The following GADL1 variants were observed in gnomAD, a reference collection of about 807,000 sequenced individuals.
GADL1 encodes the protein GAD like acidic amino acid decarboxylase 1, also known as acidic amino acid decarboxylase GADL1.
A neutral mutation model predicts 69.5 loss-of-function variants in GADL1; 71 were observed. The ratio of observed to expected loss-of-function variants is 1.02; its 90% confidence interval spans 0.84 to 1.25. GADL1 has a LOEUF of 1.25. Among genes scored for constraint, GADL1 ranks in the 50% most tolerant of loss-of-function variants. GADL1 has a pLI of 0.00. For missense variants in GADL1, 737 were observed against 631.8 expected (o/e 1.17, Z -1.79); for synonymous variants, 254 against 214.4 (o/e 1.18, Z -1.62).
intron 14 of GADL1, among the ~76,000 whole-genome samples, chr3:30,730,791 C>A (rs1421572608): frequency 6.6e-6 from 1 of 152,164 alleles, no homozygotes; most frequent in Non-Finnish European, 1.5e-5. Flanking sequence ...GACTAATCCT[C>A]CTCACCTTAG....
intron 1 of GADL1, among the ~76,000 whole-genome samples, chr3:30,886,915 T>C (rs1157871294): frequency 1.3e-5 from 2 of 152,192 alleles, no homozygotes; most frequent in African/African-American, 4.8e-5. Flanking sequence ...ATAATGATAA[T>C]CATAATAACA....
intron 11 of GADL1, among the ~76,000 whole-genome samples, chr3:30,820,627 G>C (rs1221399616): frequency 1.3e-5 from 2 of 152,098 alleles, no homozygotes; most frequent in Admixed American, 1.3e-4. Context: ...TCCTCTATTA[G>C]AAAAGCCATT....
intron 11 of GADL1, among the ~76,000 whole-genome samples, chr3:30,823,913 C>T (rs2125518966): frequency 6.6e-6 from 1 of 151,668 alleles, no homozygotes; most frequent in Admixed American, 6.6e-5. Flanking sequence ...CAAGATAGGT[C>T]AGAAGAAACT....
rs569233376 is a variant in GADL1, at chr3:30,775,241, G to A, written c.1392+2938C>T. ...CAAATAATCCCTCTCCCCTTCTGCC[G>A]CCAAATGGAAGATTTATCGCACCAG... On this transcript the variant is annotated intron_variant, in intron 14 of 14. Coordinates refer to ENST00000282538, the MANE Select transcript of GADL1 (RefSeq NM_207359.3). 9.2e-5 allele frequency among the ~76,000 whole-genome samples: 14 copies of A among 152,182 alleles called. No homozygotes were observed. In the South Asian group the frequency reaches 2.3e-3, roughly 25 times the overall value.
chr3:30,764,787 G>A (rs759626720), intron 14 of GADL1, among the ~76,000 whole-genome samples: 1 of 152,144 alleles, frequency 6.6e-6, no homozygotes, highest in Non-Finnish European at 1.5e-5. Flanking sequence ...GCTCACCCCA[G>A]GTTGTACTGA....
At chr3:30,838,630 A>G (rs1296121512) in intron 9 of GADL1, among the ~76,000 whole-genome samples, 2 of 152,254 alleles carry the variant, frequency 1.3e-5, no homozygotes, top group East Asian at 3.9e-4. Flanking sequence ...ATTGAAATCC[A>G]AAAGGCTAAG....
intron 14 of GADL1, among the ~76,000 whole-genome samples, chr3:30,775,476 C>T (rs1344509036): frequency 6.6e-6 from 1 of 152,118 alleles, no homozygotes; most frequent in Non-Finnish European, 1.5e-5. Flanking sequence ...ATCTCCCTTC[C>T]CCCTTGCCAA....
chr3:30,834,524 T>A (rs964407413), intron 9 of GADL1, among the ~76,000 whole-genome samples: 3 of 152,062 alleles, frequency 2.0e-5, no homozygotes, highest in Non-Finnish European at 4.4e-5. Context: ...CATAAATTGG[T>A]ATATTAACCA....
intron 13 of GADL1, among the ~76,000 whole-genome samples, chr3:30,779,950 A>G (rs1696624378): frequency 6.6e-6 from 1 of 152,158 alleles, no homozygotes. Context: ...TGGGTCTCCT[A>G]CAGAATCTGT....
At chr3:30,790,163 A>G (rs892426383) in intron 12 of GADL1, among the ~76,000 whole-genome samples, 1 of 152,164 alleles carries the variant, frequency 6.6e-6, no homozygotes, top group Non-Finnish European at 1.5e-5. Flanking sequence ...GCCATTGTAG[A>G]GTTATTAGTT....
At chr3:30,748,819 T>C (rs1277811735) in intron 14 of GADL1, among the ~76,000 whole-genome samples, 1 of 152,228 alleles carries the variant, frequency 6.6e-6, no homozygotes, top group Admixed American at 6.5e-5. Context: ...TGAATTCTTC[T>C]ATATAAAACT....
At chr3:30,744,608 G>C (rs1419475467) in intron 14 of GADL1, among the ~76,000 whole-genome samples, 1 of 152,132 alleles carries the variant, frequency 6.6e-6, no homozygotes, top group African/African-American at 2.4e-5. Context: ...CAACTACTTG[G>C]GAGACCGAGG....
intron 2 of GADL1, among the ~76,000 whole-genome samples, chr3:30,861,315 T>TTTCATCCCTGTGC (rs6147754): frequency 0.16 from 24,073 of 151,010 alleles, 2,480 homozygotes; most frequent in East Asian, 0.37. Flanking sequence ...GTGCAGGAAG[T>TTTCATCCCTGTGC]TTCATCCCTG....
At chr3:30,818,340 T>G (rs574808110) in intron 11 of GADL1, among the ~76,000 whole-genome samples, 1 of 152,306 alleles carries the variant, frequency 6.6e-6, no homozygotes, top group South Asian at 2.1e-4. Flanking sequence ...TCACTTTGGA[T>G]GTACAAAAAG....
intron 6 of GADL1, among the ~76,000 whole-genome samples, 169 bp from the exon 7 acceptor site, chr3:30,844,635 C>T (rs1200465416): frequency 1.3e-5 from 2 of 152,174 alleles, no homozygotes; most frequent in African/African-American, 4.8e-5. Context: ...TGAGAACATT[C>T]ACTTTGGGGT....
At chr3:30,755,609 G>A (rs901049060) in intron 14 of GADL1, among the ~76,000 whole-genome samples, 13 of 152,052 alleles carry the variant, frequency 8.5e-5, no homozygotes, top group Admixed American at 7.2e-4. Flanking sequence ...GACAGTTGTA[G>A]AAAATATATA....
intron 8 of GADL1, among the ~76,000 whole-genome samples, chr3:30,840,425 TTA>T (rs745348919): frequency 2.6e-5 from 4 of 152,082 alleles, no homozygotes; most frequent in African/African-American, 7.2e-5. Context: ...CCCAAAACTT[TTA>T]GAGCCAAGTC....
At chr3:30,757,589 T>C (rs935339352) in intron 14 of GADL1, among the ~76,000 whole-genome samples, 4 of 152,228 alleles carry the variant, frequency 2.6e-5, no homozygotes, top group African/African-American at 9.7e-5. Flanking sequence ...AGTGGATTTC[T>C]GCTTTAAGTT....
Position 30,833,916 on chromosome 3 carries a change from C to A in GADL1, c.987G>T (p.Trp329Cys), listed in dbSNP as rs150289306. ...CAGCCATCAGCATCTTGTGTGGGTT[C>A]CAGGCCACAGAGTCAGCCCTATTGT... is the stretch of plus-strand genomic sequence containing the variant. The part of the protein sequence containing the change: ...HGIHRADSVA[W>C]NPHKMLMAGI... The change falls in exon 11 of 15, where the codon TGG becomes TGT. Residue 329 changes from tryptophan (W) to cysteine (C), a missense_variant. Trp to Cys is a radical substitution (Grantham distance 215). Transcript: ENST00000282538. 1.2e-6 allele frequency: 2 copies of A among 1,612,264 alleles called. No individual in the cohort carries two copies. The highest frequency in any genetic ancestry group is 2.2e-5 in the South Asian group (2 of 91,040).
Sources: allele counts gnomAD v4.1 joint callset (sites outside exome capture counted in the v4.1 genomes callset), GRCh38; gene constraint gnomAD v4.1.1; transcripts MANE v1.5; gene names NCBI Gene and HGNC (gene_info 2026-07-23, HGNC 2026-07-21).